The following ROBO1 variants were observed in gnomAD, a reference collection of about 807,000 sequenced individuals.
ROBO1 encodes the protein roundabout homolog 1.
In ROBO1, 149 loss-of-function variants were observed where a neutral mutation model predicts 195.9. The observed-to-expected ratio is 0.76, with a 90% CI of 0.67 to 0.87. ROBO1 has a LOEUF of 0.87. ROBO1 is among the 40% of genes least tolerant of loss of function. The pLI is 0.00. For missense variants in ROBO1, 1,933 were observed against 2,068.3 expected, an observed-to-expected ratio of 0.93 and a Z score of 1.27; for synonymous variants, 816 against 733.2, an observed-to-expected ratio of 1.11 and a Z score of -1.82.
chr3:78,705,877 A>G (rs1045525103), intron 8 of ROBO1, among the ~76,000 whole-genome samples: 1 of 152,162 alleles, frequency 6.6e-6, no homozygotes, highest in East Asian at 1.9e-4. Flanking sequence ...TTCACCTTGT[A>G]GATGGCAGAT....
intron 4 of ROBO1, among the ~76,000 whole-genome samples, chr3:78,929,468 T>C (rs1224202551): frequency 6.6e-6 from 1 of 150,724 alleles, no homozygotes. Context: ...AAATTATTTC[T>C]TTTCCAGTAT....
intron 4 of ROBO1, among the ~76,000 whole-genome samples, chr3:78,912,824 A>G (rs548072051): frequency 6.6e-6 from 1 of 152,132 alleles, no homozygotes; most frequent in African/African-American, 2.4e-5. Context: ...AGTAAACATC[A>G]GATGTTTAAC....
intron 2 of ROBO1, among the ~76,000 whole-genome samples, chr3:79,310,300 G>T (rs2033421255): frequency 6.6e-6 from 1 of 152,186 alleles, no homozygotes; most frequent in South Asian, 2.1e-4. Context: ...TAGTATGGAA[G>T]AACCTTATTT....
At chr3:79,618,646 T>C (rs574185780) in intron 1 of ROBO1, among the ~76,000 whole-genome samples, 1 of 152,260 alleles carries the variant, frequency 6.6e-6, no homozygotes, top group South Asian at 2.1e-4. Flanking sequence ...CAGACTAGTC[T>C]GCCTGCACCC....
At chr3:78,708,861 CA>C (rs939849659) in intron 8 of ROBO1, among the ~76,000 whole-genome samples, 8 of 152,238 alleles carry the variant, frequency 5.3e-5, no homozygotes, top group African/African-American at 1.9e-4. Flanking sequence ...GTGAATAATT[CA>C]TTCCTATCAA....
At chr3:78,835,151 T>A (rs1016582657) in intron 4 of ROBO1, among the ~76,000 whole-genome samples, 2 of 152,138 alleles carry the variant, frequency 1.3e-5, no homozygotes, top group Admixed American at 1.3e-4. Flanking sequence ...GGAGGCTCCA[T>A]CACAATCACT....
chr3:79,478,416 C>A (rs544855304), intron 2 of ROBO1, among the ~76,000 whole-genome samples: 10 of 128,784 alleles, frequency 7.8e-5, no homozygotes, highest in Non-Finnish European at 1.4e-4. Context: ...AAAAGACTTA[C>A]ATGTTAAGCT....
chr3:79,186,489 T>C (rs1247240262), intron 2 of ROBO1, among the ~76,000 whole-genome samples: 2 of 152,112 alleles, frequency 1.3e-5, no homozygotes, highest in African/African-American at 4.8e-5. Flanking sequence ...CACTATTGCA[T>C]AGTTGTGCCA....
chr3:79,597,966 G>A (rs921041366), intron 1 of ROBO1, among the ~76,000 whole-genome samples: 6 of 151,860 alleles, frequency 4.0e-5, no homozygotes, highest in African/African-American at 1.4e-4. Context: ...CGGCCGTTTT[G>A]TTTGGACAGA....
chr3:79,690,578 G>A (rs1947270283), intron 1 of ROBO1, among the ~76,000 whole-genome samples: 1 of 152,008 alleles, frequency 6.6e-6, no homozygotes, highest in Non-Finnish European at 1.5e-5. Flanking sequence ...AGAATGGTGA[G>A]ATTCTAAACT....
intron 2 of ROBO1, among the ~76,000 whole-genome samples, chr3:79,226,361 T>G (rs1429472254): frequency 2.6e-5 from 4 of 152,108 alleles, no homozygotes; most frequent in Non-Finnish European, 5.9e-5. Flanking sequence ...TAAACACTGT[T>G]CATTTGACAG....
At chr3:79,100,427 A>C (rs138375812) in intron 3 of ROBO1, among the ~76,000 whole-genome samples, 28 of 151,802 alleles carry the variant, frequency 1.8e-4, no homozygotes, top group African/African-American at 6.8e-4. Flanking sequence ...CTATTTATTT[A>C]TACTGCTTTC....
intron 2 of ROBO1, among the ~76,000 whole-genome samples, chr3:79,585,033 GT>G (rs1174837016): frequency 6.6e-6 from 1 of 151,516 alleles, no homozygotes. Context: ...GTAAAGGTAA[GT>G]TTTTGTTACA....
rs2077380563 is a variant in ROBO1 at position 78,996,895 on chromosome 3, G to A, written c.173-57968C>T. 2.6e-5 allele frequency among the ~76,000 whole-genome samples: 4 copies of A among 152,288 alleles called. No individual in the cohort carries two copies. The South Asian group carries it at 8.3e-4, about 32-fold the overall frequency. On this transcript the variant is annotated intron_variant, in intron 3 of 30. Transcript: ENST00000464233. ...GTAGAGGTGGATTAATACATAAGTAGATATTAACCTACCTCAATGTTGTTC... is the reference window on the plus strand; with the variant it reads ...GTAGAGGTGGATTAATACATAAGTAAATATTAACCTACCTCAATGTTGTTC...
intron 4 of ROBO1, among the ~76,000 whole-genome samples, chr3:78,821,252 G>T (rs1422293401): frequency 6.9e-6 from 1 of 144,898 alleles, no homozygotes; most frequent in African/African-American, 2.6e-5. Flanking sequence ...TGCAGCCTCT[G>T]CCTCCTGGGC....
chr3:79,403,572 G>A (rs548226331), intron 2 of ROBO1, among the ~76,000 whole-genome samples: 1 of 152,072 alleles, frequency 6.6e-6, no homozygotes, highest in South Asian at 2.1e-4. Flanking sequence ...ATTGGACATC[G>A]TTTCTTTTTC....
At chr3:79,535,622 T>G (rs1390700800) in intron 2 of ROBO1, among the ~76,000 whole-genome samples, 1 of 152,194 alleles carries the variant, frequency 6.6e-6, no homozygotes, top group Non-Finnish European at 1.5e-5. Context: ...ATGTCAATCC[T>G]AACCAATGGG....
intron 2 of ROBO1, among the ~76,000 whole-genome samples, chr3:79,209,902 A>C (rs1201897940): frequency 6.6e-6 from 1 of 152,182 alleles, no homozygotes; most frequent in Admixed American, 6.5e-5. Context: ...AAAGTGACCA[A>C]ACTGATTATC....
intron 2 of ROBO1, among the ~76,000 whole-genome samples, chr3:79,426,897 C>G (rs1016170299): frequency 6.6e-6 from 1 of 152,042 alleles, no homozygotes; most frequent in Non-Finnish European, 1.5e-5. Context: ...TATAAAATTA[C>G]CAGATTATTT....
Sources: allele counts gnomAD v4.1 joint callset (sites outside exome capture counted in the v4.1 genomes callset), GRCh38; gene constraint gnomAD v4.1.1; transcripts MANE v1.5; gene names NCBI Gene and HGNC (gene_info 2026-07-23, HGNC 2026-07-21).